PRKD2: variants seen among roughly 807,000 people sequenced by gnomAD.
The protein encoded by PRKD2 is protein kinase D2.
Under a neutral mutation model 86.0 loss-of-function variants are expected in PRKD2, and 22 were observed. The observed-to-expected ratio is 0.26, with a 90% CI of 0.18 to 0.37. The LOEUF (loss-of-function observed/expected upper bound fraction) is 0.37, where lower values mean the gene tolerates loss of function less well. Ranked by LOEUF, PRKD2 falls within the 10% of genes least tolerant of loss-of-function variation. The pLI is 1.00. For synonymous variants in PRKD2, 509 were observed against 510.9 expected, an observed-to-expected ratio of 1.00 and a Z score of 0.05; for missense variants, 818 against 1,199.2, an observed-to-expected ratio of 0.68 and a Z score of 4.70.
chr19:46,714,365 C>T (rs947611694), intron 1 of PRKD2: 1 of 957,400 alleles, frequency 1.0e-6, no homozygotes, highest in Non-Finnish European at 1.3e-6. Flanking sequence ...CACACACCCG[C>T]CCCCCAGCTT....
chr19:46,711,479 G>A (rs936978113), intron 2 of PRKD2, among the ~76,000 whole-genome samples: 19 of 148,328 alleles, frequency 1.3e-4, no homozygotes, highest in African/African-American at 4.3e-4. Flanking sequence ...CCACAAGTCC[G>A]CCTCCCGGGT....
intron 9 of PRKD2, among the ~76,000 whole-genome samples, chr19:46,694,651 GA>G (rs1156541930): frequency 1.3e-5 from 2 of 152,156 alleles, no homozygotes; most frequent in African/African-American, 4.8e-5. Context: ...GCAGAGACCA[GA>G]AAGGTAAGAA....
chr19:46,685,407 G>T, intron 14 of PRKD2: 1 of 152,262 alleles, frequency 6.6e-6, no homozygotes. Flanking sequence ...ATAAAATGGG[G>T]TTTATAACAA....
At chr19:46,689,307 G>A (rs2053449148) in intron 14 of PRKD2, among the ~76,000 whole-genome samples, 1 of 151,890 alleles carries the variant, frequency 6.6e-6, no homozygotes, top group Non-Finnish European at 1.5e-5. Context: ...ATTTCTAGTA[G>A]AGACAGGGTT....
At position 46,691,913 on chromosome 19, in the gene PRKD2, G is replaced by A; in HGVS notation, c.1629+20C>T. ...GGGTTTGTGGGAGGGGAGGGCATCA[G>A]GTGGGGGCAGGAGTCTCACCACATT... On this transcript the variant is annotated intron_variant, in intron 11 of 17. Coordinates refer to ENST00000291281, the MANE Select transcript of PRKD2 (RefSeq NM_016457.5). 6.2e-7 allele frequency: 1 copy of A among 1,613,282 alleles called. No homozygotes were observed. Among genetic ancestry groups the A allele is most frequent in the Non-Finnish European group, 8.5e-7 (1 of 1,179,270 alleles).
chr19:46,701,830 A>G (rs145468779), intron 5 of PRKD2, among the ~76,000 whole-genome samples: 3 of 151,894 alleles, frequency 2.0e-5, no homozygotes, highest in Non-Finnish European at 4.4e-5. Context: ...TCTGACTTCT[A>G]CCTACTGGAT....
At chr19:46,705,858 T>C (rs62134785) in intron 3 of PRKD2, among the ~76,000 whole-genome samples, 10 of 151,352 alleles carry the variant, frequency 6.6e-5, no homozygotes, top group Non-Finnish European at 7.4e-5. Context: ...TGACTTCTTA[T>C]TGTCTTATTT....
chr19:46,685,521 T>G (rs2122614304), intron 14 of PRKD2: 1 of 151,834 alleles, frequency 6.6e-6, no homozygotes, highest in African/African-American at 2.4e-5. Flanking sequence ...AAAGCAGAAA[T>G]CTGCAGAGAG....
Position 46,700,790 on chromosome 19 carries a change from T to C in PRKD2, c.1121+9A>G, listed in dbSNP as rs746487970. ...TCCCCCAGGGTCTCTTGGAGGGTTCTGTGTATACCTCTGGGCCTTGCCTCC... is the reference window on the plus strand; with the variant it reads ...TCCCCCAGGGTCTCTTGGAGGGTTCCGTGTATACCTCTGGGCCTTGCCTCC... On this transcript the variant is annotated intron_variant, in intron 7 of 17. Coordinates refer to ENST00000291281, the MANE Select transcript of PRKD2 (RefSeq NM_016457.5). 6.2e-6 allele frequency: 10 copies of C among 1,610,364 alleles called. No individual in the cohort carries two copies. Among genetic ancestry groups the C allele is most frequent in the Non-Finnish European group, 8.5e-6 (10 of 1,176,804 alleles).
At chr19:46,679,197 G>T (rs2053258673) in intron 15 of PRKD2, among the ~76,000 whole-genome samples, 1 of 152,036 alleles carries the variant, frequency 6.6e-6, no homozygotes, top group South Asian at 2.1e-4. Flanking sequence ...ACAAAAATTA[G>T]CACACGCCTG....
chr19:46,694,263 C>T, intron 9 of PRKD2, 130 bp from the exon 10 acceptor site: 2 of 1,228,648 alleles, frequency 1.6e-6, no homozygotes. Context: ...CAGACAAGTT[C>T]CCAGTAATTC....
intron 7 of PRKD2, among the ~76,000 whole-genome samples, chr19:46,700,189 T>G (rs2053616660): frequency 6.6e-6 from 1 of 151,690 alleles, no homozygotes; most frequent in Non-Finnish European, 1.5e-5. Flanking sequence ...TGAACTGAAA[T>G]TGCATCACTG....
chr19:46,697,736 C>G lies in PRKD2; in HGVS notation c.1236G>C (p.Thr412=). ...CGGCCCCGCCCCGGCCACTCACCAGCGTGTCCTTGTTGCTGTAATGAACCA... is the reference window on the plus strand; with the variant it reads ...CGGCCCCGCCCCGGCCACTCACCAGGGTGTCCTTGTTGCTGTAATGAACCA... The part of the protein sequence containing the change: ...GWVVHYSNKD[T]LRKRHYWRLD... Residue 412 remains threonine (T), a synonymous_variant, in exon 8 of 18, where the codon ACG becomes ACC. Coordinates refer to ENST00000291281, the MANE Select transcript of PRKD2 (RefSeq NM_016457.5). 6.2e-7 allele frequency: 1 copy of G among 1,613,146 alleles called. No homozygotes were observed. Among genetic ancestry groups the G allele is most frequent in the Non-Finnish European group, 8.5e-7 (1 of 1,179,246 alleles).
rs771934082 is a variant in PRKD2, at chr19:46,681,725, A to G, written c.1995T>C (p.Leu665=). 1.9e-6 allele frequency: 3 copies of G among 1,613,436 alleles called. No individual in the cohort carries two copies. The highest frequency in any genetic ancestry group is 2.5e-6 in the Non-Finnish European group (3 of 1,179,568). ...ITQILVALRH[L]HFKNIVHCDL... is the part of the protein sequence containing the mutation. ...CACAGTGGACAATGTTCTTGAAGTG[A>G]AGGTGTCTCAAAGCCACCAGGATCT... The change falls in exon 15 of 18, where the codon CTT becomes CTC. Residue 665 remains leucine (L), a synonymous_variant. Transcript: ENST00000291281.
In PRKD2 at chr19:46,711,018, A is replaced by T. The variant is rs2053800011; in HGVS notation, c.400T>A (p.Phe134Ile). The T allele has an allele frequency of 1.3e-6, 2 of 1,582,190 alleles. No individual in the cohort carries two copies. Among genetic ancestry groups the T allele is most frequent in the African/African-American group, 2.7e-5 (2 of 74,478 alleles). ...GTGAGGGCGTGCGGGCGGATCTGGA[A>T]GTCCTCGAAGGTGGCCGAGGCTGTA... is the stretch of plus-strand genomic sequence containing the variant. ...VLSASATFED[F>I]QIRPHALTVH... Residue 134 changes from phenylalanine (F) to isoleucine (I), a missense_variant, in exon 3 of 18, where the codon TTC (phenylalanine) becomes ATC (isoleucine). This residue lies in a region of PRKD2 where 403 missense variants were observed against 518.6 expected (regional missense o/e 0.78). Coordinates refer to ENST00000291281, the MANE Select transcript of PRKD2 (RefSeq NM_016457.5).
intron 12 of PRKD2, 59 bp from the exon 13 acceptor site, chr19:46,690,765 G>T (rs2053472388): frequency 5.5e-6 from 8 of 1,465,006 alleles, no homozygotes; most frequent in South Asian, 2.3e-5. Context: ...GTCCTGGCAG[G>T]AGTATCTCCA....
chr19:46,710,647 GTTC>G (rs1487077982), intron 3 of PRKD2: 6 of 466,570 alleles, frequency 1.3e-5, no homozygotes, highest in Non-Finnish European at 2.3e-5. Flanking sequence ...CCTAGGCTCT[GTTC>G]TTAAGCCCCT....
intron 16 of PRKD2, among the ~76,000 whole-genome samples, chr19:46,677,812 CT>C: frequency 6.6e-6 from 1 of 152,300 alleles, no homozygotes; most frequent in Non-Finnish European, 1.5e-5. Flanking sequence ...GTTCCTGGAC[CT>C]CTTCGGAAAC....
chr19:46,695,418 G>A (rs1344725412), intron 9 of PRKD2, among the ~76,000 whole-genome samples: 3 of 152,250 alleles, frequency 2.0e-5, no homozygotes, highest in Non-Finnish European at 4.4e-5. Flanking sequence ...CGGAGGCGGA[G>A]GTTGCAGTGA....
Sources: gnomAD v4.1 joint callset for allele counts (sites outside exome capture counted in the v4.1 genomes callset) on GRCh38, gnomAD v4.1.1 for gene constraint, gnomAD v4.1.1 regional missense constraint, MANE v1.5 for transcripts, NCBI Gene and HGNC (gene_info 2026-07-23, HGNC 2026-07-21) for gene names.